Variants in EYS observed in about 807,000 individuals in gnomAD.
The protein encoded by EYS is protein eyes shut homolog.
A neutral mutation model predicts 282.1 loss-of-function variants in EYS; 250 were observed. That is an observed-to-expected ratio of 0.89 (90% CI 0.80 to 0.98). The LOEUF is 0.98. Ranked by LOEUF, EYS falls within the 50% of genes least tolerant of loss-of-function variation. EYS has a pLI of 0.00. For missense variants in EYS, 4,016 were observed against 3,709.0 expected (o/e 1.08, Z -2.15); for synonymous variants, 1,355 against 1,282.9 (o/e 1.06, Z -1.20).
At chr6:65,609,984 T>C (rs1436420472) in intron 2 of EYS, among the ~76,000 whole-genome samples, 1 of 152,102 alleles carries the variant, frequency 6.6e-6, no homozygotes, top group African/African-American at 2.4e-5. Context: ...ATTGCAGCCT[T>C]GAACTCCTGG....
chr6:64,447,046 G>T (rs1294863155), intron 26 of EYS, among the ~76,000 whole-genome samples: 1 of 151,720 alleles, frequency 6.6e-6, no homozygotes, highest in African/African-American at 2.4e-5. Flanking sequence ...ATTAATTTGA[G>T]AAAAAATTTT....
intron 30 of EYS, among the ~76,000 whole-genome samples, chr6:64,285,736 G>C (rs367852724): frequency 2.3e-4 from 35 of 152,182 alleles, no homozygotes; most frequent in African/African-American, 8.2e-4. Context: ...CATAATGGGA[G>C]GTGAAAGCCC....
intron 14 of EYS, among the ~76,000 whole-genome samples, chr6:64,955,665 G>A (rs773940270): frequency 7.9e-5 from 12 of 152,160 alleles, no homozygotes; most frequent in Non-Finnish European, 1.5e-4. Context: ...CTATCCCATG[G>A]GTTTTGCTTA....
At chr6:64,403,462 T>C (rs1773603141) in intron 28 of EYS, among the ~76,000 whole-genome samples, 2 of 152,112 alleles carry the variant, frequency 1.3e-5, no homozygotes, top group South Asian at 4.1e-4. Flanking sequence ...GTTCAAGCAA[T>C]TCTCCTGCCT....
In EYS at chr6:63,854,171, A is replaced by G. The variant is rs566084385; in HGVS notation, c.7228+10015T>C. Among the ~76,000 whole-genome samples, 78 of 152,342 alleles carry G rather than the reference A, an allele frequency of 5.1e-4. 1 individual carries two copies. The highest frequency in any genetic ancestry group is 1.8e-3 in the African/African-American group (75 of 41,572). On this transcript the variant is annotated intron_variant, in intron 36 of 42. Transcript: ENST00000503581. Reference sequence around the variant, plus strand: ...CATGCATACCTATGTTCATTGCAGCACTATTCACAATAGCAAAGACTTGGA... The same window carrying G: ...CATGCATACCTATGTTCATTGCAGCGCTATTCACAATAGCAAAGACTTGGA...
intron 36 of EYS, among the ~76,000 whole-genome samples, chr6:63,825,136 C>T (rs1007678717): frequency 6.6e-6 from 1 of 152,068 alleles, no homozygotes; most frequent in African/African-American, 2.4e-5. Context: ...TGGCTTTCCC[C>T]TACTTCCCTG....
intron 13 of EYS, among the ~76,000 whole-genome samples, chr6:65,029,460 C>A (rs1483955727): frequency 6.6e-6 from 1 of 152,100 alleles, no homozygotes; most frequent in South Asian, 2.1e-4. Context: ...AAACCATTGA[C>A]CCTTGAACAG....
chr6:64,590,535 T>C lies in EYS; in HGVS notation c.5332A>G (p.Thr1778Ala). ...NDFKNNLPPL[T>A]GSVPDFSEVT... The stretch of plus-strand genomic sequence containing the variant: ...TCTGAAAAATCAGGCACTGAGCCTG[T>C]CAATGGTGGCAGATTATTTTTGAAG... The change falls in exon 26 of 43, where the codon ACA becomes GCA. Residue 1778 changes from threonine to alanine, a missense_variant. Thr to Ala is a moderately conservative substitution (Grantham distance 58). Coordinates refer to ENST00000503581, the MANE Select transcript of EYS (RefSeq NM_001142800.2). 1.3e-6 allele frequency: 2 copies of C among 1,551,386 alleles called. No homozygotes were observed. Among genetic ancestry groups the C allele is most frequent in the Non-Finnish European group, 1.7e-6 (2 of 1,146,766 alleles).
In EYS at chr6:64,431,037, G is replaced by A. The variant is rs558818931; in HGVS notation, c.5927+5137C>T. On this transcript the variant is annotated intron_variant, in intron 28 of 42. Transcript: ENST00000503581. ...ACATCTAAAGACTAGAGGAAGAGAG[G>A]AGTTATCAGAACAGAGTAGAGGGCC... 3.3e-4 allele frequency among the ~76,000 whole-genome samples: 50 copies of A among 152,246 alleles called. No individual in the cohort carries two copies. The South Asian group carries it at 3.5e-3, about 11-fold the overall frequency.
intron 2 of EYS, among the ~76,000 whole-genome samples, chr6:65,541,156 C>T (rs910416400): frequency 6.6e-6 from 1 of 152,050 alleles, no homozygotes; most frequent in African/African-American, 2.4e-5. Flanking sequence ...AAATATAGCC[C>T]TTAAAGTTAG....
chr6:65,288,872 A>C (rs969696908), intron 12 of EYS, among the ~76,000 whole-genome samples: 2 of 151,190 alleles, frequency 1.3e-5, no homozygotes, highest in African/African-American at 4.8e-5. Context: ...TTCTATTAAA[A>C]TATGGTAAGC....
At chr6:64,433,167 A>G (rs1472629530) in intron 28 of EYS, among the ~76,000 whole-genome samples, 1 of 151,990 alleles carries the variant, frequency 6.6e-6, no homozygotes, top group Non-Finnish European at 1.5e-5. Context: ...GGCCTAGCAC[A>G]ATTTTGCTGT....
chr6:64,463,295 C>T (rs921639900), intron 26 of EYS, among the ~76,000 whole-genome samples: 2 of 152,102 alleles, frequency 1.3e-5, no homozygotes, highest in African/African-American at 4.8e-5. Flanking sequence ...GACTCTGCCT[C>T]CCATATCAGG....
At chr6:65,245,859 T>C (rs1449766235) in intron 12 of EYS, among the ~76,000 whole-genome samples, 2 of 152,030 alleles carry the variant, frequency 1.3e-5, no homozygotes, top group East Asian at 1.9e-4. Flanking sequence ...GGGGGGAAGA[T>C]CTCTCAAAGA....
rs75274158 is a variant in EYS, at chr6:64,762,473, T to C, written c.3443+50905A>G. On this transcript the variant is annotated intron_variant, in intron 22 of 42. Coordinates refer to ENST00000503581, the MANE Select transcript of EYS (RefSeq NM_001142800.2). ...TGTTATGTTTCTCTGAAGAGCAACA[T>C]GAGAGTGATGTAACAGGAAATTGGG... Among the ~76,000 whole-genome samples, 1,400 of 152,314 alleles carry C rather than the reference T, an allele frequency of 9.2e-3. 8 individuals are homozygous for C. Among genetic ancestry groups the C allele is most frequent in the Admixed American group, 0.015 (231 of 15,300 alleles).
At chr6:64,919,175 T>G (rs1259827576) in intron 15 of EYS, among the ~76,000 whole-genome samples, 1 of 152,062 alleles carries the variant, frequency 6.6e-6, no homozygotes, top group Non-Finnish European at 1.5e-5. Context: ...TCTTTAATTT[T>G]TATTTATTTA....
At chr6:63,798,987 GTATATATA>G (rs56290982) in intron 37 of EYS, among the ~76,000 whole-genome samples, 59 of 85,794 alleles carry the variant, frequency 6.9e-4, no homozygotes, top group East Asian at 2.1e-3. Flanking sequence ...GTATATGTGT[GTATATATA>G]TATATATATA....
At chr6:64,939,938 AACATC>A (rs1769033061) in intron 15 of EYS, among the ~76,000 whole-genome samples, 1 of 152,044 alleles carries the variant, frequency 6.6e-6, no homozygotes, top group African/African-American at 2.4e-5. Flanking sequence ...CAAAACCAGG[AACATC>A]ACCCAAACAA....
In EYS at chr6:65,136,966, G is replaced by A. The variant is rs137870641; in HGVS notation, c.2024-79239C>T. On this transcript the variant is annotated intron_variant, in intron 12 of 42. Transcript: ENST00000503581. ...CAAAGTGCTGGGATTACAGGTGTGA[G>A]CCACTGCACCCAGCCAATTTATTTC... Among the ~76,000 whole-genome samples the A allele has an allele frequency of 5.7e-3, 864 of 152,218 alleles. 3 individuals are homozygous for A. The highest frequency in any genetic ancestry group is 9.5e-3 in the Non-Finnish European group (648 of 68,004).
Sources: gnomAD v4.1 joint callset for allele counts (sites outside exome capture counted in the v4.1 genomes callset) on GRCh38, gnomAD v4.1.1 for gene constraint, MANE v1.5 for transcripts, NCBI Gene and HGNC (gene_info 2026-07-23, HGNC 2026-07-21) for gene names.